The following TEX36 variants were observed in gnomAD, a reference collection of about 807,000 sequenced individuals.
TEX36 encodes testis-expressed protein 36.
In TEX36, 12 loss-of-function variants were observed where a neutral mutation model predicts 13.6. The ratio of observed to expected loss-of-function variants is 0.88; its 90% CI spans 0.56 to 1.43. The LOEUF is 1.43. TEX36 is among the 40% of genes most tolerant of loss of function. TEX36 has a pLI of 0.00. For synonymous variants in TEX36, 93 were observed against 83.0 expected, an observed-to-expected ratio of 1.12 and a Z score of -0.65; for missense variants, 224 against 228.3, an observed-to-expected ratio of 0.98 and a Z score of 0.12.
Position 125,601,663 on chromosome 10 carries a change from C to T in TEX36, c.265-24789G>A, listed in dbSNP as rs183438227. On this transcript the variant is annotated intron_variant, in intron 3 of 3. Transcript: ENST00000532135. ...CACTGCTTCCAGTTGCTTCCCACTG[C>T]TGATGGCTCAACTGGGGATCCAGGG... 4.9e-3 allele frequency among the ~76,000 whole-genome samples: 748 copies of T among 152,332 alleles called. 4 individuals carry two copies. Among genetic ancestry groups the T allele is most frequent in the Non-Finnish European group, 8.5e-3 (581 of 68,028 alleles).
intron 3 of TEX36, among the ~76,000 whole-genome samples, chr10:125,610,001 T>C (rs1339483780): frequency 6.6e-6 from 1 of 152,188 alleles, no homozygotes; most frequent in Non-Finnish European, 1.5e-5. Context: ...TACTGCTCAT[T>C]ATGCGTTTAT....
At chr10:125,633,914 G>A (rs921690199) in intron 3 of TEX36, among the ~76,000 whole-genome samples, 12 of 152,102 alleles carry the variant, frequency 7.9e-5, no homozygotes, top group South Asian at 4.1e-4. Flanking sequence ...GGCATTAAGC[G>A]GGAGGCAGGG....
intron 3 of TEX36, among the ~76,000 whole-genome samples, chr10:125,633,301 A>T (rs1846582923): frequency 6.6e-6 from 1 of 152,164 alleles, no homozygotes; most frequent in African/African-American, 2.4e-5. Flanking sequence ...GTAGGGATCA[A>T]CATCTCTCTA....
Position 125,677,122 on chromosome 10 carries a change from T to A in TEX36, c.51+5817A>T, listed in dbSNP as rs988437720. On this transcript the variant is annotated intron_variant, in intron 1 of 3. Coordinates refer to ENST00000368821, the MANE Select transcript of TEX36 (RefSeq NM_001128202.3). ...GACTAATGCTTTTCCCTTGCTTTTT[T>A]AAAAAATTTGTTCTGTATCTTTGAC... Among the ~76,000 whole-genome samples the A allele has an allele frequency of 5.3e-5, 8 of 152,332 alleles. No individual in the cohort carries two copies. In the East Asian group the frequency reaches 5.8e-4, roughly 11 times the overall value.
chr10:125,622,775 T>C (rs1006076677), intron 3 of TEX36, among the ~76,000 whole-genome samples: 2 of 152,208 alleles, frequency 1.3e-5, no homozygotes, highest in African/African-American at 4.8e-5. Flanking sequence ...GTAGTCGATT[T>C]CATCTTGATA....
At chr10:125,656,273 T>TC (rs1177539845) in intron 3 of TEX36, 77 bp from the exon 4 acceptor site, 3 of 1,206,666 alleles carry the variant, frequency 2.5e-6, no homozygotes, top group Non-Finnish European at 3.2e-6. Flanking sequence ...TTTTTTTTTT[T>TC]TGAGACAGAG....
intron 3 of TEX36, among the ~76,000 whole-genome samples, chr10:125,584,540 C>T (rs545080074): frequency 3.2e-4 from 48 of 152,218 alleles, no homozygotes; most frequent in African/African-American, 9.2e-4. Context: ...CTGTTGACGC[C>T]CTTACCACCA....
At chr10:125,596,521 A>T (rs1846083160) in intron 3 of TEX36, among the ~76,000 whole-genome samples, 1 of 152,246 alleles carries the variant, frequency 6.6e-6, no homozygotes, top group South Asian at 2.1e-4. Context: ...GAGCCTCCAG[A>T]GGAAGCACAG....
intron 1 of TEX36, chr10:125,668,068 T>TGA: frequency 1.6e-6 from 1 of 626,942 alleles, no homozygotes. Context: ...CTAAAATAAC[T>TGA]GAGAGTCTGT....
intron 3 of TEX36, among the ~76,000 whole-genome samples, chr10:125,600,804 TTTCAA>T: frequency 1.3e-5 from 2 of 152,180 alleles, no homozygotes; most frequent in African/African-American, 4.8e-5. Context: ...CTCATTAGTG[TTTCAA>T]GGGTACATGG....
exon 4 of TEX36, chr10:125,576,681 C>T: frequency 6.6e-7 from 1 of 1,510,996 alleles, no homozygotes; most frequent in Non-Finnish European, 8.8e-7. Flanking sequence ...CCTTTTCTTC[C>T]CAACTAATAC....
In TEX36 at chr10:125,662,096, G is replaced by A. The variant is rs573658433; in HGVS notation, c.52-119C>T. On this transcript the variant is annotated intron_variant, in intron 1 of 3. Coordinates refer to ENST00000368821, the MANE Select transcript of TEX36 (RefSeq NM_001128202.3). ...ATTTGGGTGCTTTTGGCATGCAATGGAAATGGCATAATTTTTGTAATTTTC... is the reference window on the plus strand; with the variant it reads ...ATTTGGGTGCTTTTGGCATGCAATGAAAATGGCATAATTTTTGTAATTTTC... The A allele has an allele frequency of 5.6e-4, 728 of 1,289,540 alleles. 13 individuals carry two copies. The South Asian group carries it at 9.8e-3, about 17-fold the overall frequency. 79.9% of individuals were successfully genotyped at this position (1,289,540 alleles called of 1,614,324 possible).
chr10:125,576,881 G>A, intron 3 of TEX36: 1 of 1,536,096 alleles, frequency 6.5e-7, no homozygotes, highest in African/African-American at 1.4e-5. Flanking sequence ...TTTCCTGTGA[G>A]GAAGAGGGAA....
chr10:125,656,149 T>G lies in TEX36; in HGVS notation c.312A>C (p.Ser104=). 6.5e-7 allele frequency: 1 copy of G among 1,545,204 alleles called. No individual in the cohort carries two copies. The highest frequency in any genetic ancestry group is 8.7e-7 in the Non-Finnish European group (1 of 1,145,426). ...KISPDKRQHV[S]RNFNLWACDY... is the part of the protein sequence containing the mutation. The stretch of plus-strand genomic sequence containing the variant: ...CACATGCCCAGAGATTAAAATTTCT[T>G]GAAACATGTTGCCTCTTATCTGGAG... Residue 104 remains serine, a synonymous_variant, in exon 4 of 4, where the codon TCA becomes TCC. Coordinates refer to ENST00000368821, the MANE Select transcript of TEX36 (RefSeq NM_001128202.3).
chr10:125,580,715 C>A (rs190401668), intron 3 of TEX36, among the ~76,000 whole-genome samples: 1 of 152,158 alleles, frequency 6.6e-6, no homozygotes, highest in African/African-American at 2.4e-5. Context: ...CTGACCTCAG[C>A]CTCCCGCTTC....
chr10:125,608,680 T>C (rs1043784518), intron 3 of TEX36, among the ~76,000 whole-genome samples: 19 of 152,128 alleles, frequency 1.2e-4, no homozygotes, highest in African/African-American at 4.6e-4. Context: ...GTTGAGGGCC[T>C]ACTGTGTGCC....
At chr10:125,643,405 T>C (rs1006507178) in intron 3 of TEX36, among the ~76,000 whole-genome samples, 1 of 151,992 alleles carries the variant, frequency 6.6e-6, no homozygotes, top group Non-Finnish European at 1.5e-5. Flanking sequence ...GTCAGGAGTT[T>C]GAGACCAGCC....
At chr10:125,586,820 C>T (rs1370040253) in intron 3 of TEX36, among the ~76,000 whole-genome samples, 1 of 151,696 alleles carries the variant, frequency 6.6e-6, no homozygotes, top group African/African-American at 2.4e-5. Flanking sequence ...AAAGATTTGC[C>T]AGGCGATATG....
At chr10:125,625,155 C>T (rs539770604) in intron 3 of TEX36, among the ~76,000 whole-genome samples, 1 of 152,320 alleles carries the variant, frequency 6.6e-6, no homozygotes, top group Admixed American at 6.5e-5. Flanking sequence ...TCTCAGGACA[C>T]GCAGACGATA....
Sources: gnomAD v4.1 joint callset for allele counts (sites outside exome capture counted in the v4.1 genomes callset) on GRCh38, gnomAD v4.1.1 for gene constraint, MANE v1.5 for transcripts, NCBI Gene and HGNC (gene_info 2026-07-23, HGNC 2026-07-21) for gene names.